The following CACNA1B variants were observed in gnomAD, a reference collection of about 807,000 sequenced individuals.
CACNA1B encodes voltage-dependent N-type calcium channel subunit alpha-1B.
CACNA1B carries 70 observed loss-of-function variants against 247.2 expected under a neutral mutation model. The ratio of observed to expected loss-of-function variants is 0.28; its 90% CI spans 0.23 to 0.35. The LOEUF (loss-of-function observed/expected upper bound fraction) is 0.35, where lower values mean the gene tolerates loss of function less well. Among genes scored for constraint, CACNA1B ranks in the 10% least tolerant of loss-of-function variants. The pLI, the probability that CACNA1B is intolerant of heterozygous loss-of-function variation, is 1.00. For missense variants in CACNA1B, 2,367 were observed against 3,197.4 expected (o/e 0.74, Z 6.26); for synonymous variants, 1,231 against 1,294.4 (o/e 0.95, Z 1.05).
chr9:137,878,553 G>A (rs967133017), intron 1 of CACNA1B, among the ~76,000 whole-genome samples: 25 of 152,268 alleles, frequency 1.6e-4, no homozygotes, highest in Admixed American at 1.5e-3. Context: ...GGACGCGGCC[G>A]TGCGCGCGCC....
At chr9:138,042,773 A>C (rs909456268) in intron 20 of CACNA1B, among the ~76,000 whole-genome samples, 6 of 152,072 alleles carry the variant, frequency 3.9e-5, no homozygotes, top group African/African-American at 1.4e-4. Flanking sequence ...GCTCACCTCG[A>C]AGCTTTTTTT....
At position 138,058,981 on chromosome 9, in the gene CACNA1B, C is replaced by T. The variant is rs1959615591; in HGVS notation, c.4474-98C>T. ...GGGTGTCCCAGGCCTAGGCAGGCAT[C>T]GAGTTCTGTCTGCCCGCTTTGCTTG... On this transcript the variant is annotated intron_variant, in intron 29 of 46. Coordinates refer to ENST00000371372, the MANE Select transcript of CACNA1B (RefSeq NM_000718.4). This position sits in a 1 kb window ranked among gnomAD's most constrained non-coding sequence, Gnocchi z 4.7. The T allele has an allele frequency of 1.3e-5, 10 of 777,362 alleles. No individual in the cohort carries two copies. The highest frequency in any genetic ancestry group is 4.1e-5 in the Admixed American group (2 of 48,526). The allele number at this position is 777,362 out of a possible 1,614,324, so 48.2% of individuals were successfully genotyped here.
At chr9:138,119,709 C>T (rs1962011181) in intron 44 of CACNA1B, among the ~76,000 whole-genome samples, 2 of 152,192 alleles carry the variant, frequency 1.3e-5, no homozygotes, top group African/African-American at 4.8e-5. Context: ...AGCCTCCCTG[C>T]AGCCTGTGCT....
intron 36 of CACNA1B, among the ~76,000 whole-genome samples, chr9:138,083,155 C>T (rs1043471653): frequency 1.3e-4 from 20 of 151,174 alleles, no homozygotes; most frequent in African/African-American, 4.9e-4. Context: ...ACTGCTCAGC[C>T]CCTGTGGCCC....
chr9:137,983,913 G>A (rs1958323211), intron 12 of CACNA1B, among the ~76,000 whole-genome samples: 2 of 134,844 alleles, frequency 1.5e-5, no homozygotes, highest in Non-Finnish European at 3.2e-5. Flanking sequence ...GGGTGGGAGG[G>A]AGGGCAGGTA....
intron 34 of CACNA1B, among the ~76,000 whole-genome samples, chr9:138,074,523 G>A (rs1169594232): frequency 1.3e-5 from 2 of 152,220 alleles, no homozygotes; most frequent in African/African-American, 4.8e-5. Flanking sequence ...TTACAGGTGT[G>A]AGCCACCGCG....
At chr9:138,029,597 G>A (rs1457101506) in intron 20 of CACNA1B, among the ~76,000 whole-genome samples, 6 of 130,624 alleles carry the variant, frequency 4.6e-5, no homozygotes, top group Non-Finnish European at 9.6e-5. Context: ...GTTTTTTTGT[G>A]TTTTTCTTTT....
chr9:137,889,052 C>T (rs973310027), intron 3 of CACNA1B, among the ~76,000 whole-genome samples: 12 of 149,620 alleles, frequency 8.0e-5, no homozygotes, highest in South Asian at 4.2e-4. Context: ...GCTGCCTTCC[C>T]GCAAGGCGAC....
chr9:137,938,207 T>C (rs889087849), intron 6 of CACNA1B, among the ~76,000 whole-genome samples: 1 of 151,994 alleles, frequency 6.6e-6, no homozygotes, highest in Admixed American at 6.6e-5. Flanking sequence ...GACAAACAAA[T>C]GCTGAGAGAA....
intron 6 of CACNA1B, among the ~76,000 whole-genome samples, chr9:137,936,948 G>T (rs1290556410): frequency 6.6e-6 from 1 of 152,158 alleles, no homozygotes; most frequent in Non-Finnish European, 1.5e-5. Context: ...GCTTATGATT[G>T]CCTTGGCAAT....
rs1319685312 is a variant in CACNA1B, at chr9:137,954,511, A to C, written c.1071-1187A>C. Among the ~76,000 whole-genome samples the C allele has an allele frequency of 6.6e-6, 1 of 151,820 alleles. No individual in the cohort carries two copies. The highest frequency in any genetic ancestry group is 1.5e-5 in the Non-Finnish European group (1 of 67,938). On this transcript the variant is annotated intron_variant, in intron 7 of 46. Coordinates refer to ENST00000371372, the MANE Select transcript of CACNA1B (RefSeq NM_000718.4). This position sits in a 1 kb window ranked among gnomAD's most constrained non-coding sequence, Gnocchi z 4.1. The stretch of plus-strand genomic sequence containing the variant: ...TGGAGGGGGCCAGACTGCTGGGGGG[A>C]GTTGCTGCTGGGAGCTCTCAGATCA...
intron 44 of CACNA1B, among the ~76,000 whole-genome samples, chr9:138,119,167 C>T (rs998149069): frequency 1.3e-5 from 2 of 152,138 alleles, no homozygotes; most frequent in African/African-American, 2.4e-5. Context: ...ACCTCAGTCC[C>T]CTCTCCCGCC....
At chr9:137,937,688 G>A (rs1213811111) in intron 6 of CACNA1B, among the ~76,000 whole-genome samples, 1 of 152,064 alleles carries the variant, frequency 6.6e-6, no homozygotes, top group Non-Finnish European at 1.5e-5. Context: ...GCTCACACCT[G>A]TAATCCCAGC....
At chr9:138,067,999 T>G (rs899444240) in intron 31 of CACNA1B, among the ~76,000 whole-genome samples, 6 of 152,202 alleles carry the variant, frequency 3.9e-5, no homozygotes, top group African/African-American at 7.2e-5. Context: ...GATGTGAAAT[T>G]GAAACACAGC....
chr9:138,107,315 C>T (rs552938867), intron 39 of CACNA1B, among the ~76,000 whole-genome samples: 54 of 151,338 alleles, frequency 3.6e-4, no homozygotes, highest in African/African-American at 1.2e-3. Context: ...GGTGCAGTCA[C>T]GGCTCACTGC....
chr9:138,015,379 C>CCTG (rs1186555762), intron 18 of CACNA1B, among the ~76,000 whole-genome samples: 1 of 152,214 alleles, frequency 6.6e-6, no homozygotes, highest in African/African-American at 2.4e-5. Context: ...GAGGCCTGGC[C>CCTG]CTGCTGCTGC....
chr9:137,896,857 A>G (rs549953199), intron 3 of CACNA1B, among the ~76,000 whole-genome samples: 49 of 152,102 alleles, frequency 3.2e-4, no homozygotes, highest in Admixed American at 7.2e-4. Flanking sequence ...GTGAGTTTGC[A>G]TTTTCTGAGG....
At chr9:138,043,200 G>A (rs900975835) in intron 20 of CACNA1B, among the ~76,000 whole-genome samples, 1 of 152,144 alleles carries the variant, frequency 6.6e-6, no homozygotes, top group Admixed American at 6.5e-5. Context: ...GGAAGGAGGC[G>A]ACGAGTCGGG....
Position 138,052,510 on chromosome 9 carries a change from C to T in CACNA1B, c.3807+322C>T, listed in dbSNP as rs540427958. ...GGAGGGAGATGCTGGAGGTGAGGGGCTTGGGACATTGGCTGCTGAGAGGGG... is the reference window on the plus strand; with the variant it reads ...GGAGGGAGATGCTGGAGGTGAGGGGTTTGGGACATTGGCTGCTGAGAGGGG... On this transcript the variant is annotated intron_variant, in intron 25 of 46. Transcript: ENST00000371372. The surrounding 1 kb of genome is among the most constrained non-coding windows in gnomAD (Gnocchi z 5.1). Among the ~76,000 whole-genome samples, 2 of 152,130 alleles carry T rather than the reference C, an allele frequency of 1.3e-5. No homozygotes were observed. Among genetic ancestry groups the T allele is most frequent in the Non-Finnish European group, 2.9e-5 (2 of 68,028 alleles).
Sources: gnomAD v4.1 joint callset for allele counts (sites outside exome capture counted in the v4.1 genomes callset) on GRCh38, gnomAD v4.1.1 for gene constraint, Gnocchi (gnomAD v3.1) non-coding constraint, MANE v1.5 for transcripts, NCBI Gene and HGNC (gene_info 2026-07-23, HGNC 2026-07-21) for gene names.